EEPD1: variants seen among roughly 807,000 people sequenced by gnomAD.
The protein encoded by EEPD1 is endonuclease/exonuclease/phosphatase family domain-containing protein 1.
In EEPD1, 17 loss-of-function variants were observed where a neutral mutation model predicts 46.3. The observed-to-expected ratio is 0.37, with a 90% CI of 0.25 to 0.55. The LOEUF (loss-of-function observed/expected upper bound fraction) is 0.55. Ranked by LOEUF, EEPD1 falls within the 20% of genes least tolerant of loss-of-function variation. The pLI is 0.83. For synonymous variants in EEPD1, 313 were observed against 315.6 expected (o/e 0.99, Z 0.09); for missense variants, 673 against 745.6 (o/e 0.90, Z 1.13).
intron 6 of EEPD1, among the ~76,000 whole-genome samples, chr7:36,295,500 A>G (rs771334703): frequency 6.6e-5 from 10 of 152,224 alleles, no homozygotes; most frequent in Non-Finnish European, 1.0e-4. Flanking sequence ...AGAATTCCAG[A>G]TAACATGTGT....
chr7:36,218,182 G>A (rs555995657), intron 2 of EEPD1, among the ~76,000 whole-genome samples: 14 of 152,246 alleles, frequency 9.2e-5, no homozygotes, highest in Non-Finnish European at 2.1e-4. Context: ...TCAAGTGCAC[G>A]AGGGGGGCTC....
chr7:36,164,622 G>T (rs1054078367), intron 2 of EEPD1, among the ~76,000 whole-genome samples: 11 of 152,254 alleles, frequency 7.2e-5, no homozygotes, highest in African/African-American at 2.7e-4. Flanking sequence ...GGTAACTGCA[G>T]GTGGTTACTG....
chr7:36,296,931 G>A (rs866565277), intron 6 of EEPD1, 62 bp from the exon 7 acceptor site: 23 of 1,556,234 alleles, frequency 1.5e-5, no homozygotes, highest in East Asian at 9.0e-5. Context: ...AAAGGGCCAC[G>A]GTCAGTGTTG....
chr7:36,166,821 A>G (rs1784990090), intron 2 of EEPD1, among the ~76,000 whole-genome samples: 1 of 152,230 alleles, frequency 6.6e-6, no homozygotes, highest in Non-Finnish European at 1.5e-5. Flanking sequence ...AGGGAAAATG[A>G]TCACTGTTAC....
chr7:36,192,531 CA>C (rs2115681196), intron 2 of EEPD1, among the ~76,000 whole-genome samples: 1 of 151,288 alleles, frequency 6.6e-6, no homozygotes, highest in South Asian at 2.1e-4. Context: ...AAAAAATTAA[CA>C]ATTACATACA....
chr7:36,180,249 A>G (rs1264515413), intron 2 of EEPD1, among the ~76,000 whole-genome samples: 1 of 152,218 alleles, frequency 6.6e-6, no homozygotes, highest in East Asian at 1.9e-4. Flanking sequence ...TGGGCATGAA[A>G]GTCACTTATC....
At chr7:36,197,351 C>T (rs1348428504) in intron 2 of EEPD1, among the ~76,000 whole-genome samples, 1 of 151,702 alleles carries the variant, frequency 6.6e-6, no homozygotes, top group African/African-American at 2.4e-5. Context: ...CGCCTCTGCC[C>T]GGCCGCCCCT....
intron 3 of EEPD1, among the ~76,000 whole-genome samples, chr7:36,242,625 A>G (rs1786572175): frequency 6.6e-6 from 1 of 152,106 alleles, no homozygotes; most frequent in African/African-American, 2.4e-5. Context: ...TTGTGCATCA[A>G]GATTGGTCCA....
chr7:36,293,948 A>T (rs1037846025), intron 6 of EEPD1, among the ~76,000 whole-genome samples: 4 of 151,912 alleles, frequency 2.6e-5, no homozygotes, highest in African/African-American at 9.7e-5. Context: ...TGGGCGACAG[A>T]GTGAGACTCC....
At chr7:36,292,782 C>A (rs1358518283) in intron 6 of EEPD1, among the ~76,000 whole-genome samples, 1 of 152,160 alleles carries the variant, frequency 6.6e-6, no homozygotes, top group Non-Finnish European at 1.5e-5. Flanking sequence ...GCTGGGATTA[C>A]AGGTGTGAGC....
chr7:36,280,027 T>C (rs140729571), intron 3 of EEPD1, among the ~76,000 whole-genome samples: 1 of 151,950 alleles, frequency 6.6e-6, no homozygotes, highest in African/African-American at 2.4e-5. Context: ...GACAGTGGAA[T>C]CAGTGCGCTG....
At position 36,153,553 on chromosome 7, in the gene EEPD1, AGT is replaced by A. The variant is rs1784759764; in HGVS notation, c.-312_-311del. 1 of 152,424 alleles carries A rather than the reference AGT, an allele frequency of 6.6e-6. No individual in the cohort carries two copies. The highest frequency in any genetic ancestry group is 1.5e-5 in the Non-Finnish European group (1 of 68,230). The allele number at this position is 152,424 out of a possible 1,614,324, so 9.4% of individuals were successfully genotyped here. A position where few individuals can be genotyped will look rare whatever the true frequency, so the allele number is the denominator to read the frequency against. ...CGTAGTCGGCTTCCAGGGCCTGACC[AGT>A]GACCCACACCCGCGCGGACGCCTAG... is the stretch of plus-strand genomic sequence containing the variant. On this transcript the variant is annotated 5_prime_UTR_variant, in exon 1 of 8. Coordinates refer to ENST00000242108, the MANE Select transcript of EEPD1 (RefSeq NM_030636.3).
intron 2 of EEPD1, among the ~76,000 whole-genome samples, chr7:36,198,870 C>T (rs73338927): frequency 0.042 from 6,351 of 151,960 alleles, 423 homozygotes; most frequent in East Asian, 0.3. Flanking sequence ...TTGGGGGGCC[C>T]GATTGACTGC....
intron 4 of EEPD1, among the ~76,000 whole-genome samples, chr7:36,283,990 C>A (rs929604147): frequency 1.3e-5 from 2 of 152,200 alleles, no homozygotes; most frequent in Non-Finnish European, 2.9e-5. Flanking sequence ...CCCCCAGTGG[C>A]GGCGGCAGCA....
chr7:36,197,865 G>T (rs1461444772), intron 2 of EEPD1, among the ~76,000 whole-genome samples: 3 of 150,114 alleles, frequency 2.0e-5, no homozygotes, highest in African/African-American at 7.4e-5. Flanking sequence ...ATCCCCCTCT[G>T]CGAGAAACAC....
At chr7:36,182,612 G>T (rs778204586) in intron 2 of EEPD1, among the ~76,000 whole-genome samples, 1 of 152,266 alleles carries the variant, frequency 6.6e-6, no homozygotes, top group Non-Finnish European at 1.5e-5. Context: ...CCCGCCTGGG[G>T]CCCCGCATGG....
intron 6 of EEPD1, among the ~76,000 whole-genome samples, chr7:36,288,144 C>T (rs1787369955): frequency 6.6e-6 from 1 of 152,214 alleles, no homozygotes; most frequent in Non-Finnish European, 1.5e-5. Flanking sequence ...TGCATGTGCT[C>T]TTCCTGTGAA....
At chr7:36,296,930 C>T (rs1015688416) in intron 6 of EEPD1, 63 bp from the exon 7 acceptor site, 14 of 1,548,004 alleles carry the variant, frequency 9.0e-6, no homozygotes, top group African/African-American at 4.1e-5. Flanking sequence ...CAAAGGGCCA[C>T]GGTCAGTGTT....
intron 3 of EEPD1, among the ~76,000 whole-genome samples, chr7:36,250,181 C>T (rs1241644314): frequency 6.6e-6 from 1 of 152,172 alleles, no homozygotes; most frequent in African/African-American, 2.4e-5. Flanking sequence ...ATGATTGCAC[C>T]ACTGCACTCC....
Sources: allele counts gnomAD v4.1 joint callset (sites outside exome capture counted in the v4.1 genomes callset), GRCh38; gene constraint gnomAD v4.1.1; transcripts MANE v1.5; gene names NCBI Gene and HGNC (gene_info 2026-07-23, HGNC 2026-07-21).